PCDHA3: variants seen among roughly 807,000 people sequenced by gnomAD.
PCDHA3 encodes the protein protocadherin alpha 3.
In PCDHA3, 41 loss-of-function variants were observed where a neutral mutation model predicts 62.2. That is an observed-to-expected ratio of 0.66 (90% CI 0.51 to 0.86). PCDHA3 has a LOEUF of 0.86. Among genes scored for constraint, PCDHA3 ranks in the 40% least tolerant of loss-of-function variants. The pLI is 0.00. For missense variants in PCDHA3, 1,304 were observed against 1,241.2 expected, an observed-to-expected ratio of 1.05 and a Z score of -0.76; for synonymous variants, 640 against 555.4, an observed-to-expected ratio of 1.15 and a Z score of -2.14.
At chr5:140,929,414 A>T (rs1174756115) in intron 1 of PCDHA3, 15 of 1,504,422 alleles carry the variant, frequency 1.0e-5, no homozygotes, top group Non-Finnish European at 1.3e-5. Context: ...GCCTTTCACA[A>T]CATTTCATCA....
chr5:141,010,089 G>T lies in PCDHA3; in HGVS notation c.*152G>T. On this transcript the variant is annotated 3_prime_UTR_variant, in exon 4 of 4. Coordinates refer to ENST00000522353, the MANE Select transcript of PCDHA3 (RefSeq NM_018906.3). The stretch of plus-strand genomic sequence containing the variant: ...AAAGTTCCCTGTGTCTGTCTAGAAC[G>T]CATTTAACAGGTTTTGTCGTAAAAG... 2 of 1,612,296 alleles carry T rather than the reference G, an allele frequency of 1.2e-6. No individual in the cohort carries two copies. Among genetic ancestry groups the T allele is most frequent in the East Asian group, 2.2e-5 (1 of 44,872 alleles).
At chr5:140,876,963 G>T in intron 1 of PCDHA3, 4 of 1,613,068 alleles carry the variant, frequency 2.5e-6, no homozygotes, top group Non-Finnish European at 2.5e-6. Context: ...TGGTGGAGCG[G>T]CGGGTGGGCG....
intron 1 of PCDHA3, chr5:140,929,268 AAT>A (rs782372972): frequency 7.4e-6 from 12 of 1,611,594 alleles, no homozygotes; most frequent in Non-Finnish European, 1.0e-5. Flanking sequence ...TGAATTTGCC[AAT>A]ATCCTGTATT....
At chr5:140,806,763 G>A (rs1390450041) in intron 1 of PCDHA3, among the ~76,000 whole-genome samples, 3 of 152,072 alleles carry the variant, frequency 2.0e-5, no homozygotes, top group Non-Finnish European at 4.4e-5. Context: ...TTAGGTCTCT[G>A]TAATACTTAA....
intron 1 of PCDHA3, chr5:140,834,326 A>G: frequency 1.4e-6 from 2 of 1,449,926 alleles, no homozygotes; most frequent in South Asian, 1.3e-5. Flanking sequence ...GGATAAAAAC[A>G]TTCCTATAAA....
chr5:140,894,827 T>G (rs2064691411), intron 1 of PCDHA3, among the ~76,000 whole-genome samples: 1 of 152,192 alleles, frequency 6.6e-6, no homozygotes, highest in South Asian at 2.1e-4. Flanking sequence ...TTGCCCATAA[T>G]CCTTTTCTTA....
intron 1 of PCDHA3, chr5:140,836,768 A>AT: frequency 5.1e-6 from 8 of 1,555,112 alleles, no homozygotes; most frequent in Non-Finnish European, 7.0e-6. Context: ...GTTTCCAACA[A>AT]TTTTAAAACA....
intron 1 of PCDHA3, chr5:140,829,644 A>T (rs1770465751): frequency 6.2e-7 from 1 of 1,612,124 alleles, no homozygotes; most frequent in South Asian, 1.1e-5. Flanking sequence ...GGCAAGGTGT[A>T]CGCGCTGCAG....
In PCDHA3 at chr5:140,822,890, G is replaced by C. The variant is rs2150120119; in HGVS notation, c.2394+19299G>C. 2.8e-5 allele frequency: 45 copies of C among 1,614,098 alleles called. No individual in the cohort carries two copies. The highest frequency in any genetic ancestry group is 3.7e-5 in the Non-Finnish European group (44 of 1,180,046). ...CTCAGCACGGTCATTGCTCTGATCA[G>C]CGTGTCTGACCGTGACTCAGGTGCC... On this transcript the variant is annotated intron_variant, in intron 1 of 3. Transcript: ENST00000522353.
chr5:140,875,731 A>C, intron 1 of PCDHA3: 14 of 1,614,150 alleles, frequency 8.7e-6, no homozygotes, highest in Non-Finnish European at 1.0e-5. Context: ...TTTGTTTGTG[A>C]ATTCTCGGAT....
At chr5:140,824,171 C>G in intron 1 of PCDHA3, 1 of 1,610,416 alleles carries the variant, frequency 6.2e-7, no homozygotes, top group Non-Finnish European at 8.5e-7. Context: ...TCCCAATTTT[C>G]AAATATTAAA....
chr5:140,966,888 C>A, intron 1 of PCDHA3: 13 of 1,593,128 alleles, frequency 8.2e-6, no homozygotes, highest in Non-Finnish European at 1.1e-5. Context: ...GGCCCTGCGG[C>A]CTCCCAGCTG....
intron 1 of PCDHA3, among the ~76,000 whole-genome samples, chr5:140,953,785 T>C (rs2094935669): frequency 6.6e-6 from 1 of 152,224 alleles, no homozygotes. Context: ...TTTATTTTTT[T>C]CTTCAACTTT....
intron 1 of PCDHA3, chr5:140,822,269 C>A: frequency 2.5e-6 from 4 of 1,614,196 alleles, no homozygotes; most frequent in Non-Finnish European, 3.4e-6. Context: ...GGAGCAAATG[C>A]ACAATTGAGA....
At chr5:140,877,575 C>G (rs1244471489) in intron 1 of PCDHA3, 1 of 1,613,708 alleles carries the variant, frequency 6.2e-7, no homozygotes, top group East Asian at 2.2e-5. Context: ...TGTACCTCAT[C>G]ATCGCCATCT....
intron 1 of PCDHA3, chr5:140,856,710 T>A: frequency 6.3e-7 from 1 of 1,596,610 alleles, no homozygotes; most frequent in Non-Finnish European, 8.6e-7. Context: ...AAACCTGAAT[T>A]TACCGGATCT....
At chr5:140,968,808 T>C in intron 1 of PCDHA3, 1 of 1,614,204 alleles carries the variant, frequency 6.2e-7, no homozygotes, top group South Asian at 1.1e-5. Context: ...GTAGCTGTGG[T>C]GGATAGGGTT....
At chr5:140,928,121 A>C in intron 1 of PCDHA3, 1 of 1,614,194 alleles carries the variant, frequency 6.2e-7, no homozygotes, top group Non-Finnish European at 8.5e-7. Flanking sequence ...CAGATCAGTG[A>C]ATACCAAGTC....
At chr5:140,872,432 G>T (rs2053660736) in intron 1 of PCDHA3, among the ~76,000 whole-genome samples, 1 of 152,026 alleles carries the variant, frequency 6.6e-6, no homozygotes, top group Non-Finnish European at 1.5e-5. Context: ...TTCGAGGCCT[G>T]CCTGGACAAC....
Sources: allele counts gnomAD v4.1 joint callset (sites outside exome capture counted in the v4.1 genomes callset), GRCh38; gene constraint gnomAD v4.1.1; transcripts MANE v1.5; gene names NCBI Gene and HGNC (gene_info 2026-07-23, HGNC 2026-07-21).